NPAT: variants seen among roughly 807,000 people sequenced by gnomAD.
NPAT encodes protein NPAT.
A neutral mutation model predicts 130.7 loss-of-function variants in NPAT; 52 were observed. That is an observed-to-expected ratio of 0.40 (90% CI 0.32 to 0.50). The LOEUF (loss-of-function observed/expected upper bound fraction) is 0.50, where lower values mean the gene tolerates loss of function less well. NPAT is among the 20% of genes least tolerant of loss of function. The pLI is 0.68. For synonymous variants in NPAT, 580 were observed against 584.8 expected, an observed-to-expected ratio of 0.99 and a Z score of 0.12; for missense variants, 1,687 against 1,662.6, an observed-to-expected ratio of 1.01 and a Z score of -0.26.
chr11:108,188,705 G>A (rs1488233040), intron 6 of NPAT, among the ~76,000 whole-genome samples: 2 of 152,172 alleles, frequency 1.3e-5, no homozygotes, highest in Non-Finnish European at 1.5e-5. Flanking sequence ...GTTCAGCCAG[G>A]CATATGTAGG....
intron 15 of NPAT, among the ~76,000 whole-genome samples, chr11:108,169,527 G>T (rs1163410344): frequency 1.3e-5 from 2 of 152,128 alleles, no homozygotes; most frequent in African/African-American, 4.8e-5. Flanking sequence ...AAGGACTACT[G>T]GGCAAAAGCT....
chr11:108,189,685 A>C (rs2078145956), intron 5 of NPAT, among the ~76,000 whole-genome samples: 1 of 151,516 alleles, frequency 6.6e-6, no homozygotes, highest in Non-Finnish European at 1.5e-5. Context: ...CCTGGCTAAC[A>C]CGGTGAAACC....
chr11:108,176,928 T>G, intron 11 of NPAT, 66 bp downstream of exon 11: 1 of 1,004,068 alleles, frequency 1.0e-6, no homozygotes, highest in South Asian at 1.3e-5. Flanking sequence ...TGATTCACTC[T>G]GGTTAAGTTA....
In NPAT at chr11:108,173,819, A is replaced by T; in HGVS notation, c.1165T>A (p.Ser389Thr). 1.2e-6 allele frequency: 2 copies of T among 1,614,124 alleles called. No homozygotes were observed. Among genetic ancestry groups the T allele is most frequent in the African/African-American group, 1.3e-5 (1 of 75,026 alleles). ...GQSGQPAFCT[S>T]YQNDDPLNAL... ...TTTAATGGGTCATCATTCTGATAGG[A>T]TGTACAAAAAGCGGGCTGACCAGAC... The change falls in exon 13 of 18, where the codon TCC becomes ACC. Residue 389 changes from serine (S) to threonine (T), a missense_variant. By Grantham distance (58) the Ser-to-Thr change is moderately conservative (BLOSUM62 1). Transcript: ENST00000278612.
chr11:108,165,442 A>G (rs2077891946), intron 15 of NPAT, among the ~76,000 whole-genome samples: 1 of 140,780 alleles, frequency 7.1e-6, no homozygotes, highest in African/African-American at 2.6e-5. Flanking sequence ...ATATACACAC[A>G]CATATGTATT....
intron 15 of NPAT, among the ~76,000 whole-genome samples, chr11:108,165,980 C>T (rs1340178779): frequency 8.7e-6 from 1 of 114,512 alleles, no homozygotes; most frequent in African/African-American, 3.5e-5. Flanking sequence ...GACAGAGTCT[C>T]ATTATGTTGC....
intron 17 of NPAT, among the ~76,000 whole-genome samples, chr11:108,159,942 G>C (rs2077829464): frequency 6.6e-6 from 1 of 151,760 alleles, no homozygotes; most frequent in African/African-American, 2.4e-5. Context: ...CACAAGGTCA[G>C]GAGTTCAAGA....
At chr11:108,177,621 T>TA in intron 10 of NPAT, among the ~76,000 whole-genome samples, 2 of 152,314 alleles carry the variant, frequency 1.3e-5, no homozygotes, top group Admixed American at 1.3e-4. Flanking sequence ...TCCTACTTCT[T>TA]AGAGGTAAGA....
chr11:108,185,201 A>C, intron 10 of NPAT, 31 bp downstream of exon 10: 1 of 1,417,526 alleles, frequency 7.1e-7, no homozygotes, highest in Non-Finnish European at 1.0e-6. Context: ...AGTAACACAC[A>C]CGCACCCATG....
At position 108,181,025 on chromosome 11, in the gene NPAT, G is replaced by T. The variant is rs187711988; in HGVS notation, c.907-3935C>A. Among the ~76,000 whole-genome samples the T allele has an allele frequency of 1.1e-4, 16 of 152,284 alleles. No homozygotes were observed. The East Asian group carries it at 3.1e-3, about 29-fold the overall frequency. On this transcript the variant is annotated intron_variant, in intron 10 of 17. Coordinates refer to ENST00000278612, the MANE Select transcript of NPAT (RefSeq NM_002519.3). ...CAGAAAGTAGAATGGTGGTTGGCAG[G>T]GGATAGGAAAAGGGGAAATCAGGAG...
chr11:108,161,908 G>C lies in NPAT; in HGVS notation c.3178C>G (p.His1060Asp). ...ESIVPAAKPC[H>D]RRVLCFDSTT... ...CTGTCGAAACAGAGTACACGTCTGT[G>C]GCATGGTTTAGCAGCTGGAACTATA... Residue 1060 changes from histidine to aspartate, a missense_variant, in exon 17 of 18, where the codon CAC becomes GAC. Transcript: ENST00000278612. The C allele has an allele frequency of 6.2e-7, 1 of 1,612,414 alleles. No homozygotes were observed.
chr11:108,216,276 T>C (rs970020236), intron 1 of NPAT, among the ~76,000 whole-genome samples: 1 of 152,132 alleles, frequency 6.6e-6, no homozygotes, highest in Non-Finnish European at 1.5e-5. Flanking sequence ...TAAAATCTAC[T>C]ATAGATTTGC....
intron 1 of NPAT, among the ~76,000 whole-genome samples, chr11:108,220,225 C>T: frequency 6.6e-6 from 1 of 152,104 alleles, no homozygotes; most frequent in East Asian, 1.9e-4. Flanking sequence ...ATAAGGGCTA[C>T]TTAAGTGGAG....
At chr11:108,213,310 T>G (rs542225152) in intron 1 of NPAT, among the ~76,000 whole-genome samples, 1 of 152,222 alleles carries the variant, frequency 6.6e-6, no homozygotes, top group Admixed American at 6.6e-5. Context: ...CTATTAGAGC[T>G]AATAAATGAC....
intron 2 of NPAT, 78 bp downstream of exon 2, chr11:108,197,224 C>G: frequency 9.6e-7 from 1 of 1,036,408 alleles, no homozygotes; most frequent in Non-Finnish European, 1.5e-6. Flanking sequence ...TTTTTTTTTT[C>G]TGATAAGCTG....
At position 108,189,180 on chromosome 11, in the gene NPAT, C is replaced by G. The variant is rs764824610; in HGVS notation, c.482G>C (p.Ser161Thr). 1.9e-6 allele frequency: 3 copies of G among 1,614,148 alleles called. No individual in the cohort carries two copies. In the South Asian group the frequency reaches 3.3e-5, roughly 18 times the overall value. ...PSTGTQVTRPSGQISDPSRSY... is the reference protein window; with the variant it reads ...PSTGTQVTRPTGQISDPSRSY... ...CCTCGATGGATCTGAAATTTGGCCACTTGGTCGAGTAACCTGTGTACCTGT... is the reference window on the plus strand; with the variant it reads ...CCTCGATGGATCTGAAATTTGGCCAGTTGGTCGAGTAACCTGTGTACCTGT... Residue 161 changes from serine (S) to threonine (T), a missense_variant, in exon 6 of 18, where the codon AGT (serine) becomes ACT (threonine). Coordinates refer to ENST00000278612, the MANE Select transcript of NPAT (RefSeq NM_002519.3).
intron 1 of NPAT, among the ~76,000 whole-genome samples, chr11:108,197,675 CT>C (rs1285678012): frequency 1.3e-5 from 2 of 152,206 alleles, no homozygotes; most frequent in Non-Finnish European, 2.9e-5. Context: ...AGTATAATTA[CT>C]TCACAGTACT....
Position 108,161,425 on chromosome 11 carries a change from G to A in NPAT, c.3661C>T (p.Leu1221Phe). The A allele has an allele frequency of 2.5e-6, 4 of 1,614,152 alleles. No homozygotes were observed. Among genetic ancestry groups the A allele is most frequent in the South Asian group, 1.1e-5 (1 of 91,082 alleles). ...QGTSSNNKNV[L>F]SVGTAVKDLK... ...TCCTTCACAGCTGTACCTACTGAAA[G>A]TACATTTTTATTGTTTGAAGATGTG... Residue 1221 changes from leucine (L) to phenylalanine (F), a missense_variant, in exon 17 of 18, where the codon CTT becomes TTT. Leu to Phe is a conservative substitution (Grantham distance 22). Around this residue, in one of 3 missense-constraint regions of NPAT, gnomAD observed 1,379 missense variants for 1,346.6 expected, o/e 1.02. Coordinates refer to ENST00000278612, the MANE Select transcript of NPAT (RefSeq NM_002519.3).
Position 108,172,507 on chromosome 11 carries a change from T to C in NPAT, c.2477A>G (p.Asn826Ser), listed in dbSNP as rs867795975. 8.1e-6 allele frequency: 13 copies of C among 1,614,204 alleles called. 1 individual carries two copies. In the Middle Eastern group the frequency reaches 1.8e-3, roughly 225 times the overall value. The change falls in exon 13 of 18, where the codon AAT (asparagine) becomes AGT (serine). Residue 826 changes from asparagine to serine, a missense_variant. This residue lies in a region of NPAT where 1,379 missense variants were observed against 1,346.6 expected (regional missense o/e 1.02). Transcript: ENST00000278612. ...TFKSEDSAVNNTQNEDGIAFS... is the reference protein window; with the variant it reads ...TFKSEDSAVNSTQNEDGIAFS... The stretch of plus-strand genomic sequence containing the variant: ...AGCAATGCCATCTTCATTCTGAGTA[T>C]TGTTTACTGCAGAGTCTTCAGATTT...
Sources: gnomAD v4.1 joint callset for allele counts (sites outside exome capture counted in the v4.1 genomes callset) on GRCh38, gnomAD v4.1.1 for gene constraint, gnomAD v4.1.1 regional missense constraint, MANE v1.5 for transcripts, NCBI Gene and HGNC (gene_info 2026-07-23, HGNC 2026-07-21) for gene names.